Variants in PDE1C observed in about 807,000 individuals in gnomAD.
The protein encoded by PDE1C is dual specificity calcium/calmodulin-dependent 3',5'-cyclic nucleotide phosphodiesterase 1C.
Under a neutral mutation model 93.1 loss-of-function variants are expected in PDE1C, and 62 were observed. The ratio of observed to expected loss-of-function variants is 0.67; its 90% CI spans 0.54 to 0.82. The LOEUF is 0.82. PDE1C is among the 40% of genes least tolerant of loss of function. The pLI is 0.00. For missense variants in PDE1C, 742 were observed against 884.6 expected (o/e 0.84, Z 2.04); for synonymous variants, 325 against 310.1 (o/e 1.05, Z -0.50).
intron 13 of PDE1C, 29 bp downstream of exon 13, chr7:31,824,838 A>G: frequency 6.2e-7 from 1 of 1,610,138 alleles, no homozygotes. Context: ...GGCCAACCTC[A>G]CCCTCAGCCC....
intron 2 of PDE1C, among the ~76,000 whole-genome samples, chr7:31,963,333 CTTGT>C (rs1213926173): frequency 6.6e-6 from 1 of 152,102 alleles, no homozygotes; most frequent in East Asian, 1.9e-4. Context: ...CAAATATCTG[CTTGT>C]TTGTTTATAT....
intron 1 of PDE1C, among the ~76,000 whole-genome samples, chr7:32,276,895 G>A (rs1179855390): frequency 1.3e-5 from 2 of 152,072 alleles, no homozygotes; most frequent in Non-Finnish European, 2.9e-5. Flanking sequence ...AGACAGTTGT[G>A]TACTACTCTG....
At chr7:32,299,829 G>C (rs1404559685), upstream of PDE1C, among the ~76,000 whole-genome samples, 2 of 152,160 alleles carry the variant, frequency 1.3e-5, no homozygotes, top group Non-Finnish European at 2.9e-5. Context: ...GTGCTATCAG[G>C]GGCTGCAGAT....
intron 7 of PDE1C, among the ~76,000 whole-genome samples, chr7:31,862,955 C>A (rs931571364): frequency 2.0e-5 from 3 of 152,012 alleles, no homozygotes; most frequent in African/African-American, 7.3e-5. Flanking sequence ...ATTGTCTTTT[C>A]TAAGGTTGTG....
At chr7:31,642,298 A>G in the PDE1C span, 1 of 1,346,428 alleles carries the variant, frequency 7.4e-7, no homozygotes, top group Admixed American at 2.2e-5. Flanking sequence ...CTCATCCCTA[A>G]CATCCCACTT....
In PDE1C at chr7:31,837,920, A is replaced by G. The variant is rs1244641089; in HGVS notation, c.1032T>C (p.Cys344=). The change falls in exon 10 of 18, where the codon TGT becomes TGC. Residue 344 remains cysteine, a synonymous_variant. Transcript: ENST00000396191. The part of the protein sequence containing the change: ...IEMVMATDMS[C]HFQQIKAMKT... Reference sequence around the variant, plus strand: ...TCATTGCTTTGATTTGTTGGAAGTGACAAGACATATCTGTGGCCATCACCA... The same window carrying G: ...TCATTGCTTTGATTTGTTGGAAGTGGCAAGACATATCTGTGGCCATCACCA... 1.2e-6 allele frequency: 2 copies of G among 1,613,746 alleles called. No individual in the cohort carries two copies. Among genetic ancestry groups the G allele is most frequent in the Non-Finnish European group, 1.7e-6 (2 of 1,179,756 alleles).
chr7:31,875,831 A>ATATATATATATG lies in PDE1C; in HGVS notation c.492+2138_492+2139insCATATATATATA, dbSNP rs761399274. Reference sequence around the variant, plus strand: ...TATATATATATATATATATATATATATATAATGGAAAAAGTAAAATAACAT... The same window carrying ATATATATATATG: ...TATATATATATATATATATATATATATATATATATATGTATAATGGAAAAAGTAAAATAACAT... On this transcript the variant is annotated intron_variant, in intron 5 of 17. Coordinates refer to ENST00000396191, the MANE Select transcript of PDE1C (RefSeq NM_001191057.4). Among the ~76,000 whole-genome samples, 655 of 90,036 alleles carry ATATATATATATG rather than the reference A, an allele frequency of 7.3e-3. 66 individuals are homozygous for ATATATATATATG. Among genetic ancestry groups the ATATATATATATG allele is most frequent in the East Asian group, 0.023 (54 of 2,332 alleles). 59.1% of individuals were successfully genotyped at this position (90,036 alleles called of 152,430 possible).
Position 32,276,817 on chromosome 7 carries a change from C to T in PDE1C, c.85+21834G>A, listed in dbSNP as rs372912050. Among the ~76,000 whole-genome samples, 5 of 152,214 alleles carry T rather than the reference C, an allele frequency of 3.3e-5. No individual in the cohort carries two copies. In the South Asian group the frequency reaches 1.0e-3, roughly 32 times the overall value. Reference sequence around the variant, plus strand: ...ACTGTTACTATGATCACTACTACCACCAACTGGAGAAATAACTGGAAATTA... The same window carrying T: ...ACTGTTACTATGATCACTACTACCATCAACTGGAGAAATAACTGGAAATTA... On this transcript the variant is annotated intron_variant, in intron 1 of 18. Coordinates refer to the PDE1C transcript ENST00000396193.
intron 3 of PDE1C, among the ~76,000 whole-genome samples, chr7:32,120,385 G>A (rs1194553734): frequency 6.6e-6 from 1 of 152,156 alleles, no homozygotes; most frequent in Non-Finnish European, 1.5e-5. Flanking sequence ...CTCCACCAGG[G>A]AACAGTCAAA....
chr7:31,791,348 G>A (rs1240487326), intron 16 of PDE1C, among the ~76,000 whole-genome samples: 2 of 152,054 alleles, frequency 1.3e-5, no homozygotes, highest in Admixed American at 6.6e-5. Context: ...ACAAAAGTGA[G>A]GCTTCATACC....
intron 16 of PDE1C, among the ~76,000 whole-genome samples, chr7:31,798,086 C>A (rs1052339690): frequency 1.3e-5 from 2 of 151,732 alleles, no homozygotes; most frequent in Admixed American, 1.3e-4. Context: ...CACCAAGCAA[C>A]CTTCTGATAC....
intron 2 of PDE1C, among the ~76,000 whole-genome samples, chr7:31,950,672 T>C (rs539606460): frequency 6.6e-6 from 1 of 152,306 alleles, no homozygotes; most frequent in Admixed American, 6.5e-5. Flanking sequence ...TTAATTTAAG[T>C]AAACCGTTCA....
intron 1 of PDE1C, among the ~76,000 whole-genome samples, chr7:32,066,130 A>C (rs1411051748): frequency 6.6e-6 from 1 of 152,230 alleles, no homozygotes; most frequent in East Asian, 1.9e-4. Flanking sequence ...CAGCCAATAC[A>C]GAAATGTCAA....
In PDE1C at chr7:31,850,805, C is replaced by A. The variant is rs1013738299; in HGVS notation, c.751-64G>T. 23 of 1,157,696 alleles carry A rather than the reference C, an allele frequency of 2.0e-5. No homozygotes were observed. The Admixed American group carries it at 2.5e-4, about 13-fold the overall frequency. 71.7% of individuals were successfully genotyped at this position (1,157,696 alleles called of 1,614,324 possible). On this transcript the variant is annotated intron_variant, in intron 7 of 17. Coordinates refer to ENST00000396191, the MANE Select transcript of PDE1C (RefSeq NM_001191057.4). ...TTTCTCAAAGTCTTCAGCTTGCTGACAACACACCCACAGTGCTGCCTTTCT... is the reference window on the plus strand; with the variant it reads ...TTTCTCAAAGTCTTCAGCTTGCTGAAAACACACCCACAGTGCTGCCTTTCT...
chr7:31,972,268 T>C (rs935908479), intron 2 of PDE1C, among the ~76,000 whole-genome samples: 3 of 152,228 alleles, frequency 2.0e-5, no homozygotes, highest in Non-Finnish European at 4.4e-5. Context: ...TTTGGTGATT[T>C]ATTCAGATGA....
chr7:32,128,906 A>AATATATATATAT (rs763801947), intron 3 of PDE1C, among the ~76,000 whole-genome samples: 110 of 55,974 alleles, frequency 2.0e-3, no homozygotes, highest in Middle Eastern at 0.017. Flanking sequence ...AAGTATAACA[A>AATATATATATAT]ATATATATAT....
the PDE1C span, among the ~76,000 whole-genome samples, chr7:31,662,123 A>G: frequency 9.0e-4 from 137 of 152,268 alleles, 1 homozygote; most frequent in Admixed American, 1.6e-3. Context: ...GTAGAGCTGG[A>G]AAAGTGATAT....
the PDE1C span, among the ~76,000 whole-genome samples, chr7:31,689,707 C>T: frequency 6.6e-6 from 1 of 152,242 alleles, no homozygotes; most frequent in East Asian, 1.9e-4. Flanking sequence ...CAACACTAAA[C>T]TCCAAATGTC....
intron 17 of PDE1C, among the ~76,000 whole-genome samples, chr7:31,763,969 ATATT>A (rs1475994032): frequency 3.3e-4 from 49 of 148,548 alleles, no homozygotes; most frequent in Admixed American, 6.1e-4. Flanking sequence ...GAAAATATAT[ATATT>A]ATGTATATAT....
Sources: gnomAD v4.1 joint callset for allele counts (sites outside exome capture counted in the v4.1 genomes callset) on GRCh38, gnomAD v4.1.1 for gene constraint, MANE v1.5 for transcripts, NCBI Gene and HGNC (gene_info 2026-07-23, HGNC 2026-07-21) for gene names.